The following IQCM variants were observed in gnomAD, a reference collection of about 807,000 sequenced individuals.
IQCM encodes IQ domain-containing protein M.
A neutral mutation model predicts 57.6 loss-of-function variants in IQCM; 45 were observed. That is an observed-to-expected ratio of 0.78 (90% CI 0.62 to 1.00). IQCM has a LOEUF of 1.00. Ranked by LOEUF, IQCM falls within the 50% of genes least tolerant of loss-of-function variation. The pLI is 0.00. For missense variants in IQCM, 468 were observed against 511.6 expected, an observed-to-expected ratio of 0.91 and a Z score of 0.82; for synonymous variants, 148 against 158.9, an observed-to-expected ratio of 0.93 and a Z score of 0.51.
intron 13 of IQCM, among the ~76,000 whole-genome samples, chr4:149,419,697 A>G (rs1733991707): frequency 6.6e-6 from 1 of 152,182 alleles, no homozygotes; most frequent in African/African-American, 2.4e-5. Flanking sequence ...CATCAGGGTG[A>G]ACAGGCAACC....
At chr4:149,526,899 T>C (rs891661498) in intron 12 of IQCM, among the ~76,000 whole-genome samples, 6 of 152,126 alleles carry the variant, frequency 3.9e-5, no homozygotes, top group Non-Finnish European at 7.4e-5. Flanking sequence ...AAGGAAATAA[T>C]TTATTACAAA....
At position 149,788,909 on chromosome 4, in the gene IQCM, C is replaced by T. The variant is rs185109451; in HGVS notation, c.-49+26402G>A. Reference sequence around the variant, plus strand: ...AAGTCAGGCACAGAAAGGCAAGTATCACATGTTCTCACTCCTATGTGGGAG... The same window carrying T: ...AAGTCAGGCACAGAAAGGCAAGTATTACATGTTCTCACTCCTATGTGGGAG... On this transcript the variant is annotated intron_variant, in intron 2 of 13. Coordinates refer to ENST00000636793, the MANE Select transcript of IQCM (RefSeq NM_001363507.2). 5.7e-4 allele frequency among the ~76,000 whole-genome samples: 87 copies of T among 152,282 alleles called. 3 individuals are homozygous for T. Among genetic ancestry groups the T allele is most frequent in the Admixed American group, 4.3e-3 (66 of 15,300 alleles).
At chr4:149,497,479 C>A (rs116617143) in intron 12 of IQCM, among the ~76,000 whole-genome samples, 1 of 152,026 alleles carries the variant, frequency 6.6e-6, no homozygotes, top group East Asian at 1.9e-4. Flanking sequence ...GCAAAAGGCA[C>A]GTCTCACATG....
chr4:149,623,031 C>T (rs532153471), intron 7 of IQCM, among the ~76,000 whole-genome samples: 53 of 152,262 alleles, frequency 3.5e-4, no homozygotes, highest in African/African-American at 1.3e-3. Context: ...GTATATTGAA[C>T]ATTCCCAACA....
chr4:149,507,511 C>T (rs1456896633), intron 12 of IQCM, among the ~76,000 whole-genome samples: 1 of 152,118 alleles, frequency 6.6e-6, no homozygotes, highest in Non-Finnish European at 1.5e-5. Context: ...CTCTTGTTAC[C>T]TTTTAGCAAA....
At chr4:149,710,155 C>T (rs532335079) in intron 5 of IQCM, among the ~76,000 whole-genome samples, 1 of 152,146 alleles carries the variant, frequency 6.6e-6, no homozygotes, top group Non-Finnish European at 1.5e-5. Flanking sequence ...TAATTATGCC[C>T]TATAAGTAAA....
chr4:149,581,946 G>T (rs1220390869), intron 9 of IQCM, among the ~76,000 whole-genome samples: 1 of 151,414 alleles, frequency 6.6e-6, no homozygotes, highest in Non-Finnish European at 1.5e-5. Context: ...GAGGGGCAAG[G>T]TGCTTTCTGC....
chr4:149,765,347 T>A (rs1165822497), intron 2 of IQCM, among the ~76,000 whole-genome samples: 2 of 152,114 alleles, frequency 1.3e-5, no homozygotes, highest in African/African-American at 4.8e-5. Flanking sequence ...ATATCAAAGA[T>A]GAAGTAATTT....
At chr4:149,558,977 C>T (rs17625032) in intron 10 of IQCM, among the ~76,000 whole-genome samples, 22,263 of 152,046 alleles carry the variant, frequency 0.15, 2,038 homozygotes, top group South Asian at 0.33. Context: ...ACTCTACCTT[C>T]GTTCCTTTCT....
intron 9 of IQCM, among the ~76,000 whole-genome samples, chr4:149,574,706 T>C (rs1751476617): frequency 6.6e-6 from 1 of 151,974 alleles, no homozygotes; most frequent in Non-Finnish European, 1.5e-5. Context: ...TAATATATAT[T>C]AAACACTAAA....
At chr4:149,671,613 T>TCTC (rs1579943268) in intron 7 of IQCM, among the ~76,000 whole-genome samples, 2 of 152,186 alleles carry the variant, frequency 1.3e-5, no homozygotes, top group African/African-American at 4.8e-5. Context: ...TTGTGGGCAT[T>TCTC]TAGTGCTATA....
At chr4:149,365,916 A>T (rs1729797952) in intron 13 of IQCM, among the ~76,000 whole-genome samples, 1 of 152,164 alleles carries the variant, frequency 6.6e-6, no homozygotes, top group Non-Finnish European at 1.5e-5. Context: ...TGGAAAAAGG[A>T]CATTAGTGGG....
intron 8 of IQCM, among the ~76,000 whole-genome samples, chr4:149,602,264 C>A (rs1754386280): frequency 6.6e-6 from 1 of 151,974 alleles, no homozygotes; most frequent in Admixed American, 6.6e-5. Flanking sequence ...GGAATTTGAA[C>A]ATTACTGGAA....
chr4:149,607,929 T>C (rs1754940894), intron 8 of IQCM, among the ~76,000 whole-genome samples: 1 of 151,852 alleles, frequency 6.6e-6, no homozygotes. Context: ...CAATGAATAA[T>C]AACATTGAAT....
intron 5 of IQCM, among the ~76,000 whole-genome samples, chr4:149,687,616 C>T (rs952748167): frequency 6.6e-6 from 1 of 151,648 alleles, no homozygotes; most frequent in African/African-American, 2.4e-5. Flanking sequence ...CAGCATCACC[C>T]TACTAACAAA....
chr4:149,464,896 A>G (rs1317618677), intron 12 of IQCM, among the ~76,000 whole-genome samples: 8 of 152,320 alleles, frequency 5.3e-5, no homozygotes, highest in African/African-American at 1.9e-4. Context: ...TCTAGATCCT[A>G]ACTTCTTGAT....
At chr4:149,598,064 G>A (rs993611788) in intron 8 of IQCM, among the ~76,000 whole-genome samples, 13 of 152,174 alleles carry the variant, frequency 8.5e-5, no homozygotes, top group Non-Finnish European at 1.8e-4. Context: ...AGAAAGTATG[G>A]TTGAGAGGAA....
chr4:149,518,456 C>T (rs897697285), intron 12 of IQCM, among the ~76,000 whole-genome samples: 1 of 152,078 alleles, frequency 6.6e-6, no homozygotes, highest in Non-Finnish European at 1.5e-5. Flanking sequence ...ATAAAAGCTC[C>T]CCAGAAAGGA....
chr4:149,548,502 A>C lies in IQCM; in HGVS notation c.1181T>G (p.Phe394Cys). The stretch of plus-strand genomic sequence containing the variant: ...ATCATCAACTTGTTTCTGAGTTGGG[A>C]AATGACCACAGTCACTGAAGAAATT... ...LPNFFSDCGHFPTQKQVDDTW... is the reference protein window; with the variant it reads ...LPNFFSDCGHCPTQKQVDDTW... Residue 394 changes from phenylalanine (F) to cysteine (C), a missense_variant, in exon 12 of 14, where the codon TTC becomes TGC. By Grantham distance (205) the Phe-to-Cys change is radical. Coordinates refer to ENST00000636793, the MANE Select transcript of IQCM (RefSeq NM_001363507.2). The C allele has an allele frequency of 8.1e-7, 1 of 1,231,954 alleles. No homozygotes were observed. The highest frequency in any genetic ancestry group is 1.0e-6 in the Non-Finnish European group (1 of 987,822). 76.3% of individuals were successfully genotyped at this position (1,231,954 alleles called of 1,614,324 possible).
Sources: gnomAD v4.1 joint callset for allele counts (sites outside exome capture counted in the v4.1 genomes callset) on GRCh38, gnomAD v4.1.1 for gene constraint, MANE v1.5 for transcripts, NCBI Gene and HGNC (gene_info 2026-07-23, HGNC 2026-07-21) for gene names.